The following MAPRE2 variants were observed in gnomAD, a reference collection of about 807,000 sequenced individuals.
The protein encoded by MAPRE2 is microtubule associated protein RP/EB family member 2.
Under a neutral mutation model 43.2 loss-of-function variants are expected in MAPRE2, and 13 were observed. The ratio of observed to expected loss-of-function variants is 0.30; its 90% CI spans 0.20 to 0.48. The LOEUF (loss-of-function observed/expected upper bound fraction) is 0.48. Among genes scored for constraint, MAPRE2 ranks in the 20% least tolerant of loss-of-function variants. The pLI, the probability that MAPRE2 is intolerant of heterozygous loss-of-function variation, is 0.99. For missense variants in MAPRE2, 161 were observed against 400.2 expected (o/e 0.40, Z 5.10); for synonymous variants, 135 against 148.8 (o/e 0.91, Z 0.68).
intron 1 of MAPRE2, among the ~76,000 whole-genome samples, chr18:34,993,739 C>A (rs1223651657): frequency 2.6e-5 from 4 of 152,180 alleles, no homozygotes; most frequent in African/African-American, 9.7e-5. Context: ...GGTACAGCTC[C>A]ATGACACTTT....
chr18:35,102,236 T>C, intron 4 of MAPRE2, 77 bp downstream of exon 4: 1 of 1,074,436 alleles, frequency 9.3e-7, no homozygotes, highest in Non-Finnish European at 1.3e-6. Flanking sequence ...TTACTGTGTG[T>C]TTCTGACTGA....
intron 1 of MAPRE2, among the ~76,000 whole-genome samples, chr18:35,051,656 G>A (rs1039377938): frequency 4.6e-5 from 7 of 152,202 alleles, no homozygotes. Context: ...GTTGCTTGAA[G>A]AGGCAGTGAG....
At chr18:35,132,639 T>C (rs1910209322) in intron 6 of MAPRE2, among the ~76,000 whole-genome samples, 1 of 152,222 alleles carries the variant, frequency 6.6e-6, no homozygotes, top group Non-Finnish European at 1.5e-5. Flanking sequence ...GGTTACTCAT[T>C]GCCAGGACAG....
chr18:35,004,282 A>G (rs1044051801), intron 1 of MAPRE2, among the ~76,000 whole-genome samples: 8 of 152,192 alleles, frequency 5.3e-5, no homozygotes, highest in Admixed American at 3.3e-4. Flanking sequence ...ATCTATCACA[A>G]ATATTTTATT....
chr18:35,017,895 T>G (rs1293371317), intron 2 of MAPRE2, among the ~76,000 whole-genome samples: 1 of 151,916 alleles, frequency 6.6e-6, no homozygotes, highest in Non-Finnish European at 1.5e-5. Flanking sequence ...CATCTTTGTC[T>G]TGTTCCAGTT....
intron 2 of MAPRE2, among the ~76,000 whole-genome samples, chr18:35,078,751 C>CT (rs145383989): frequency 0.029 from 4,370 of 152,256 alleles, 200 homozygotes; most frequent in African/African-American, 0.1. Context: ...GAAAGAAAGT[C>CT]TTTATCTCCA....
At chr18:35,051,503 G>T (rs1418669875) in intron 1 of MAPRE2, among the ~76,000 whole-genome samples, 2 of 152,316 alleles carry the variant, frequency 1.3e-5, no homozygotes, top group East Asian at 1.9e-4. Flanking sequence ...CCTATTTCCA[G>T]CCTGTATGAT....
intron 1 of MAPRE2, among the ~76,000 whole-genome samples, chr18:35,058,102 C>A (rs1241954980): frequency 6.6e-6 from 1 of 152,134 alleles, no homozygotes; most frequent in African/African-American, 2.4e-5. Context: ...TGCTATTTCC[C>A]AGTTTGAAGT....
chr18:35,043,005 C>T (rs947498534), intron 1 of MAPRE2, among the ~76,000 whole-genome samples: 28 of 152,080 alleles, frequency 1.8e-4, no homozygotes, highest in Non-Finnish European at 2.2e-4. Context: ...TTTGGCTGTG[C>T]CCATGAGGTC....
At chr18:35,121,545 T>C (rs911191761) in intron 4 of MAPRE2, among the ~76,000 whole-genome samples, 10 of 152,070 alleles carry the variant, frequency 6.6e-5, no homozygotes, top group Non-Finnish European at 1.0e-4. Flanking sequence ...AAATGGTTAC[T>C]TGTAAACAGG....
chr18:35,081,548 C>G (rs1341021141), intron 2 of MAPRE2, among the ~76,000 whole-genome samples: 1 of 152,162 alleles, frequency 6.6e-6, no homozygotes, highest in Non-Finnish European at 1.5e-5. Flanking sequence ...GGGGAAGGAG[C>G]ATCCTCCTCT....
intron 1 of MAPRE2, among the ~76,000 whole-genome samples, chr18:35,003,401 G>A (rs2097030317): frequency 1.3e-5 from 2 of 152,134 alleles, no homozygotes; most frequent in African/African-American, 4.8e-5. Flanking sequence ...CATGATATTG[G>A]GCAAATTGCC....
In MAPRE2 at chr18:35,100,189, C is replaced by A. The variant is rs559182724; in HGVS notation, c.397-1757C>A. Among the ~76,000 whole-genome samples the A allele has an allele frequency of 3.0e-4, 45 of 152,166 alleles. 1 individual carries two copies. The highest frequency in any genetic ancestry group is 8.0e-4 in the African/African-American group (33 of 41,492). ...TGTGATTCACATTCAGCTAGTATTCCCACCCAAAGATGTAAAAGGTAAGAA... is the reference window on the plus strand; with the variant it reads ...TGTGATTCACATTCAGCTAGTATTCACACCCAAAGATGTAAAAGGTAAGAA... On this transcript the variant is annotated intron_variant, in intron 3 of 6. Transcript: ENST00000300249.
At chr18:34,990,275 A>G (rs1362753404) in intron 1 of MAPRE2, among the ~76,000 whole-genome samples, 3 of 152,148 alleles carry the variant, frequency 2.0e-5, no homozygotes, top group African/African-American at 7.2e-5. Context: ...GTCCACTGCC[A>G]AAAACTTCAT....
chr18:35,081,297 T>C (rs1021578521), intron 2 of MAPRE2, among the ~76,000 whole-genome samples: 5 of 152,184 alleles, frequency 3.3e-5, no homozygotes, highest in African/African-American at 1.2e-4. Context: ...TTCAAACTGA[T>C]TTGGGATCCT....
intron 6 of MAPRE2, among the ~76,000 whole-genome samples, chr18:35,138,432 C>T (rs769577418): frequency 6.6e-6 from 1 of 152,122 alleles, no homozygotes; most frequent in African/African-American, 2.4e-5. Flanking sequence ...GGCCTGTCGG[C>T]ACGGTAAGAG....
At chr18:35,080,608 T>A (rs1449277096) in intron 2 of MAPRE2, among the ~76,000 whole-genome samples, 1 of 152,254 alleles carries the variant, frequency 6.6e-6, no homozygotes, top group African/African-American at 2.4e-5. Context: ...CAAATTCTTC[T>A]GCTCTTCAAA....
At chr18:35,078,605 C>T (rs534108447) in intron 2 of MAPRE2, among the ~76,000 whole-genome samples, 2 of 152,246 alleles carry the variant, frequency 1.3e-5, no homozygotes, top group South Asian at 4.1e-4. Context: ...GATCATAGCC[C>T]AGTACTCTCA....
intron 2 of MAPRE2, among the ~76,000 whole-genome samples, chr18:35,093,534 T>G (rs918785156): frequency 6.6e-6 from 1 of 152,178 alleles, no homozygotes; most frequent in Admixed American, 6.5e-5. Context: ...TCAGTGTGAT[T>G]AATAGATGTT....
Sources: gnomAD v4.1 joint callset for allele counts (sites outside exome capture counted in the v4.1 genomes callset) on GRCh38, gnomAD v4.1.1 for gene constraint, MANE v1.5 for transcripts, NCBI Gene and HGNC (gene_info 2026-07-23, HGNC 2026-07-21) for gene names.